The following KMO variants were observed in gnomAD, a reference collection of about 807,000 sequenced individuals.
The protein encoded by KMO is kynurenine 3-hydroxylase.
Under a neutral mutation model 57.8 loss-of-function variants are expected in KMO, and 24 were observed. The observed-to-expected ratio is 0.42, with a 90% CI of 0.30 to 0.58. The LOEUF is 0.58. Among genes scored for constraint, KMO ranks in the 20% least tolerant of loss-of-function variants. The pLI is 0.22. For synonymous variants in KMO, 210 were observed against 193.6 expected, an observed-to-expected ratio of 1.08 and a Z score of -0.70; for missense variants, 483 against 588.2, an observed-to-expected ratio of 0.82 and a Z score of 1.85.
chr1:241,547,601 T>C (rs1161840975), intron 1 of KMO, among the ~76,000 whole-genome samples: 1 of 146,126 alleles, frequency 6.8e-6, no homozygotes, highest in East Asian at 2.0e-4. Context: ...AAAAAAAAAG[T>C]GCTCAACTTC....
intron 4 of KMO, among the ~76,000 whole-genome samples, chr1:241,553,592 G>T (rs1661494104): frequency 6.6e-6 from 1 of 152,114 alleles, no homozygotes; most frequent in Non-Finnish European, 1.5e-5. Flanking sequence ...GGAGACTTAA[G>T]GTGGGAAGAT....
At chr1:241,587,504 T>C (rs1004883596) in intron 11 of KMO, among the ~76,000 whole-genome samples, 2 of 152,152 alleles carry the variant, frequency 1.3e-5, no homozygotes, top group Admixed American at 6.5e-5. Context: ...TCGCCCAGGC[T>C]GAAGTTCAGT....
rs1291408107 is a variant in KMO, at chr1:241,571,744, C to CT, written c.957+3104dup. Among the ~76,000 whole-genome samples, 3 of 151,422 alleles carry CT rather than the reference C, an allele frequency of 2.0e-5. No homozygotes were observed. The South Asian group carries it at 6.3e-4, about 32-fold the overall frequency. On this transcript the variant is annotated intron_variant, in intron 10 of 14. Coordinates refer to ENST00000366559, the MANE Select transcript of KMO (RefSeq NM_003679.5). ...ATCAGAGATATTGGCATGCAGTTTC[C>CT]TTTTTTTGTTACGTCTTTGTCTAGT...
At chr1:241,569,197 T>C (rs970931682) in intron 10 of KMO, among the ~76,000 whole-genome samples, 5 of 152,124 alleles carry the variant, frequency 3.3e-5, no homozygotes, top group Non-Finnish European at 5.9e-5. Context: ...CTTTTAGTGA[T>C]TTTAAAATAT....
chr1:241,591,258 C>T (rs1663287089), intron 14 of KMO, among the ~76,000 whole-genome samples: 1 of 152,048 alleles, frequency 6.6e-6, no homozygotes, highest in African/African-American at 2.4e-5. Flanking sequence ...GGATAAAAGT[C>T]AATCTTCAAA....
Position 241,562,814 on chromosome 1 carries a change from G to A in KMO, c.615+482G>A, listed in dbSNP as rs764164120. 5.9e-5 allele frequency among the ~76,000 whole-genome samples: 9 copies of A among 151,432 alleles called. No homozygotes were observed. In the East Asian group the frequency reaches 1.4e-3, roughly 23 times the overall value. On this transcript the variant is annotated intron_variant, in intron 7 of 14. Transcript: ENST00000366559. ...AGATCATGCCAATGCACTCTATCCT[G>A]AGCAACATAGCCCAATCCTGTCTTG...
chr1:241,554,627 C>A (rs72766093), intron 4 of KMO, among the ~76,000 whole-genome samples: 1 of 149,760 alleles, frequency 6.7e-6, no homozygotes, highest in South Asian at 2.2e-4. Flanking sequence ...TTTTACAATA[C>A]GTTTAAGAGT....
At chr1:241,567,713 T>A (rs903613424) in intron 9 of KMO, among the ~76,000 whole-genome samples, 6 of 152,216 alleles carry the variant, frequency 3.9e-5, no homozygotes, top group Non-Finnish European at 8.8e-5. Context: ...TAAAAATTGC[T>A]AGTCACTTCC....
chr1:241,549,266 A>AAAGAAAGAAAGTAAGTCGGAAAGAAAGG (rs1348387681), intron 2 of KMO, among the ~76,000 whole-genome samples: 2 of 117,556 alleles, frequency 1.7e-5, no homozygotes. Context: ...AGAAAGAAAG[A>AAAGAAAGAAAGTAAGTCGGAAAGAAAGG]AAGGAAGGAA....
intron 10 of KMO, among the ~76,000 whole-genome samples, chr1:241,582,682 T>C (rs962774997): frequency 1.3e-5 from 2 of 152,248 alleles, no homozygotes; most frequent in Admixed American, 1.3e-4. Context: ...ATTATCTTGA[T>C]GTTTGTTGAA....
intron 1 of KMO, among the ~76,000 whole-genome samples, chr1:241,545,714 A>T (rs554982348): frequency 6.6e-6 from 1 of 152,260 alleles, no homozygotes; most frequent in South Asian, 2.1e-4. Context: ...ATTTACCCCA[A>T]AGATAAAGTT....
intron 1 of KMO, among the ~76,000 whole-genome samples, chr1:241,539,077 T>A (rs1294136455): frequency 6.6e-6 from 1 of 152,032 alleles, no homozygotes; most frequent in Non-Finnish European, 1.5e-5. Flanking sequence ...TACACATCTG[T>A]AGTCTTAAAA....
At chr1:241,574,761 C>G (rs1662444435) in intron 10 of KMO, among the ~76,000 whole-genome samples, 1 of 151,866 alleles carries the variant, frequency 6.6e-6, no homozygotes, top group Non-Finnish European at 1.5e-5. Flanking sequence ...GTTTTGGTAT[C>G]AGGATGATAC....
At chr1:241,589,289 A>G (rs1663151059) in intron 12 of KMO, among the ~76,000 whole-genome samples, 1 of 152,158 alleles carries the variant, frequency 6.6e-6, no homozygotes, top group Admixed American at 6.5e-5. Context: ...AAAGAAATTC[A>G]TGTTCAGGAA....
At chr1:241,536,244 A>T (rs1271435729) in intron 1 of KMO, among the ~76,000 whole-genome samples, 4 of 152,192 alleles carry the variant, frequency 2.6e-5, no homozygotes, top group Admixed American at 6.5e-5. Context: ...CAATTCTAGC[A>T]CATCATTTCA....
Position 241,594,759 on chromosome 1 carries a change from G to A in KMO, c.*2606G>A, listed in dbSNP as rs1405800928. Reference sequence around the variant, plus strand: ...GGCACTAATCTGGATTAACATTCGAGGAAATCAGTTGAGCTGAATTTAAGT... The same window carrying A: ...GGCACTAATCTGGATTAACATTCGAAGAAATCAGTTGAGCTGAATTTAAGT... On this transcript the variant is annotated 3_prime_UTR_variant, in exon 15 of 15. Transcript: ENST00000366559. 1 of 1,543,990 alleles carries A rather than the reference G, an allele frequency of 6.5e-7. No homozygotes were observed. The highest frequency in any genetic ancestry group is 1.4e-5 in the African/African-American group (1 of 72,680).
At chr1:241,535,379 T>TAA (rs1660721812) in intron 1 of KMO, among the ~76,000 whole-genome samples, 3 of 152,278 alleles carry the variant, frequency 2.0e-5, no homozygotes, top group African/African-American at 7.2e-5. Flanking sequence ...TGAGAACCTT[T>TAA]ACTTAGACAT....
At chr1:241,556,017 C>T (rs1304330490) in intron 5 of KMO, among the ~76,000 whole-genome samples, 3 of 152,044 alleles carry the variant, frequency 2.0e-5, no homozygotes, top group Admixed American at 6.6e-5. Context: ...CCAGGGAGGT[C>T]GAGGCTACAG....
In KMO at chr1:241,545,759, G is replaced by T. The variant is rs182269514; in HGVS notation, c.55-3070G>T. On this transcript the variant is annotated intron_variant, in intron 1 of 14. Transcript: ENST00000366559. Reference sequence around the variant, plus strand: ...GTGAGAACTCATAATTGCAGGATTTGAGGTAGGGTGGCCCAGGAAATCTTT... The same window carrying T: ...GTGAGAACTCATAATTGCAGGATTTTAGGTAGGGTGGCCCAGGAAATCTTT... Among the ~76,000 whole-genome samples the T allele has an allele frequency of 3.1e-3, 466 of 152,268 alleles. 3 individuals are homozygous for T. Among genetic ancestry groups the T allele is most frequent in the African/African-American group, 0.011 (442 of 41,552 alleles).
Sources: gnomAD v4.1 joint callset for allele counts (sites outside exome capture counted in the v4.1 genomes callset) on GRCh38, gnomAD v4.1.1 for gene constraint, MANE v1.5 for transcripts, NCBI Gene and HGNC (gene_info 2026-07-23, HGNC 2026-07-21) for gene names.